Variants in AFTPH observed in about 807,000 individuals in gnomAD.
AFTPH encodes aftiphilin, also known as aftiphilin protein.
Under a neutral mutation model 72.5 loss-of-function variants are expected in AFTPH, and 7 were observed. The observed-to-expected ratio is 0.10, with a 90% CI of 0.05 to 0.18. The LOEUF (loss-of-function observed/expected upper bound fraction) is 0.18. AFTPH is among the 10% of genes least tolerant of loss of function. The probability of loss-of-function intolerance (pLI) is 1.00; values close to 1 mark genes in which losing one functional copy is unlikely to be tolerated. For synonymous variants in AFTPH, 337 were observed against 370.1 expected, an observed-to-expected ratio of 0.91 and a Z score of 1.03; for missense variants, 979 against 1,060.5, an observed-to-expected ratio of 0.92 and a Z score of 1.07.
At chr2:64,576,610 T>TGA (rs1672818781) in intron 6 of AFTPH, among the ~76,000 whole-genome samples, 1 of 152,212 alleles carries the variant, frequency 6.6e-6, no homozygotes. Context: ...TACACTTTAT[T>TGA]CATTGCTGAG....
intron 2 of AFTPH, among the ~76,000 whole-genome samples, chr2:64,559,005 C>G (rs1403953933): frequency 3.3e-5 from 5 of 152,174 alleles, no homozygotes; most frequent in Non-Finnish European, 5.9e-5. Flanking sequence ...AATGTGCAAA[C>G]TCCACACAGG....
At chr2:64,551,803 C>A in exon 2 of AFTPH, 1 of 1,613,442 alleles carries the variant, frequency 6.2e-7, no homozygotes, top group Non-Finnish European at 8.5e-7. Context: ...TTACTTTCTA[C>A]CACCAGCAAA....
In AFTPH at chr2:64,524,358, CGGGGGGT is replaced by C. The variant is rs1669113543; in HGVS notation, c.-286_-280del. On this transcript the variant is annotated 5_prime_UTR_variant, in exon 1 of 9. The change creates a premature stop within an existing upstream ORF in the 5' untranslated region. Transcript: ENST00000238856. ...ATGATGGGAGAGTGTGTGGAGTGGG[CGGGGGGT>C]CTCCGCGGAGGAGGTGGAGGAGGCG... 1 of 401,642 alleles carries C rather than the reference CGGGGGGT, an allele frequency of 2.5e-6. No homozygotes were observed. Among genetic ancestry groups the C allele is most frequent in the Non-Finnish European group, 4.4e-6 (1 of 227,760 alleles). 24.9% of individuals were successfully genotyped at this position (401,642 alleles called of 1,614,324 possible).
chr2:64,550,454 C>T (rs1191950149), intron 1 of AFTPH, among the ~76,000 whole-genome samples: 2 of 152,086 alleles, frequency 1.3e-5, no homozygotes. Context: ...AAAAAGCCAG[C>T]TTCAAAGGGT....
At chr2:64,532,512 T>G (rs913088290) in intron 1 of AFTPH, among the ~76,000 whole-genome samples, 1 of 152,056 alleles carries the variant, frequency 6.6e-6, no homozygotes, top group Non-Finnish European at 1.5e-5. Flanking sequence ...ATTCCAGAAT[T>G]GAGGGATTTG....
exon 2 of AFTPH, chr2:64,552,679 A>C: frequency 6.2e-7 from 1 of 1,614,220 alleles, no homozygotes; most frequent in Non-Finnish European, 8.5e-7. Context: ...GACCCCACAG[A>C]AGAAAATGAT....
At chr2:64,541,490 A>G (rs550216397) in intron 1 of AFTPH, among the ~76,000 whole-genome samples, 2 of 152,316 alleles carry the variant, frequency 1.3e-5, no homozygotes, top group East Asian at 3.9e-4. Flanking sequence ...AGAGCTGTGA[A>G]AACAACTGTG....
At chr2:64,583,755 G>A (rs753657572) in intron 7 of AFTPH, among the ~76,000 whole-genome samples, 3 of 152,148 alleles carry the variant, frequency 2.0e-5, no homozygotes, top group East Asian at 1.9e-4. Flanking sequence ...TTTTGAAACC[G>A]TACCTTAATG....
At chr2:64,538,667 A>G (rs553012833) in intron 1 of AFTPH, among the ~76,000 whole-genome samples, 1 of 152,292 alleles carries the variant, frequency 6.6e-6, no homozygotes, top group East Asian at 1.9e-4. Context: ...GATGGGTGGT[A>G]AGAAAACAAA....
At chr2:64,585,266 G>T (rs1317065595) in intron 7 of AFTPH, among the ~76,000 whole-genome samples, 156 bp from the exon 9 acceptor site, 2 of 152,210 alleles carry the variant, frequency 1.3e-5, no homozygotes, top group Non-Finnish European at 2.9e-5. Flanking sequence ...AGTTTATACT[G>T]TAAAAAATAA....
chr2:64,576,151 GTGTGTA>G (rs1484351747), intron 6 of AFTPH, among the ~76,000 whole-genome samples: 39 of 147,816 alleles, frequency 2.6e-4, no homozygotes, highest in African/African-American at 9.0e-4. Context: ...GTGTGTGTGT[GTGTGTA>G]TGTATATATA....
intron 1 of AFTPH, among the ~76,000 whole-genome samples, chr2:64,530,300 G>GT (rs1669554880): frequency 1.3e-5 from 2 of 152,204 alleles, no homozygotes; most frequent in South Asian, 4.1e-4. Context: ...TTTTAAGTCA[G>GT]TTTAGTCATC....
chr2:64,536,951 CAAA>C (rs70937353), intron 1 of AFTPH, among the ~76,000 whole-genome samples: 24,190 of 81,216 alleles, frequency 0.3, 1,250 homozygotes, highest in Non-Finnish European at 0.32. Context: ...GACTCTGTCT[CAAA>C]AAAAAAAAAA....
At chr2:64,560,627 C>A (rs747349172) in intron 2 of AFTPH, among the ~76,000 whole-genome samples, 1 of 152,150 alleles carries the variant, frequency 6.6e-6, no homozygotes, top group African/African-American at 2.4e-5. Flanking sequence ...AATCCCAGCA[C>A]TTTGGGAGGC....
intron 1 of AFTPH, among the ~76,000 whole-genome samples, chr2:64,525,317 G>A (rs1357056661): frequency 6.6e-6 from 1 of 152,238 alleles, no homozygotes; most frequent in Middle Eastern, 3.2e-3. Context: ...TATGGAGTGA[G>A]GGGTGGTAGG....
intron 1 of AFTPH, among the ~76,000 whole-genome samples, chr2:64,526,563 C>T (rs969358152): frequency 6.6e-6 from 1 of 152,196 alleles, no homozygotes; most frequent in Non-Finnish European, 1.5e-5. Context: ...TTAGCACTTT[C>T]AATTCCTTTT....
At chr2:64,544,496 ATGGAGAAAGTAG>A (rs1443372323) in intron 1 of AFTPH, among the ~76,000 whole-genome samples, 1 of 152,176 alleles carries the variant, frequency 6.6e-6, no homozygotes, top group Non-Finnish European at 1.5e-5. Context: ...TGTGGTGTGG[ATGGAGAAAGTAG>A]TCCATTACGA....
intron 8 of AFTPH, among the ~76,000 whole-genome samples, chr2:64,590,675 TG>T (rs1673775932): frequency 6.6e-6 from 1 of 152,272 alleles, no homozygotes; most frequent in Admixed American, 6.5e-5. Flanking sequence ...AACCTAGTAC[TG>T]AATGCAGTAT....
At chr2:64,536,467 G>T (rs1046571486) in intron 1 of AFTPH, among the ~76,000 whole-genome samples, 5 of 151,672 alleles carry the variant, frequency 3.3e-5, no homozygotes, top group Non-Finnish European at 5.9e-5. Context: ...TGCTCAGGAG[G>T]TTGAGGTGGG....
Sources: allele counts gnomAD v4.1 joint callset (sites outside exome capture counted in the v4.1 genomes callset), GRCh38; gene constraint gnomAD v4.1.1; transcripts MANE v1.5; gene names NCBI Gene and HGNC (gene_info 2026-07-23, HGNC 2026-07-21).